The following ST7 variants were observed in gnomAD, a reference collection of about 807,000 sequenced individuals.
ST7 encodes the protein suppression of tumorigenicity 7, also known as suppressor of tumorigenicity 7 protein.
A neutral mutation model predicts 78.7 loss-of-function variants in ST7; 28 were observed. The observed-to-expected ratio is 0.36, with a 90% CI of 0.26 to 0.49. The LOEUF is 0.49. Among genes scored for constraint, ST7 ranks in the 20% least tolerant of loss-of-function variants. ST7 has a pLI of 0.99. For synonymous variants in ST7, 247 were observed against 249.6 expected, an observed-to-expected ratio of 0.99 and a Z score of 0.10; for missense variants, 418 against 696.0, an observed-to-expected ratio of 0.60 and a Z score of 4.49.
intron 1 of ST7, chr7:117,022,896 C>T (rs933200157): frequency 6.6e-6 from 1 of 152,102 alleles, no homozygotes; most frequent in Non-Finnish European, 1.5e-5. Context: ...CATGTTTATA[C>T]CCATAGAACT....
intron 1 of ST7, among the ~76,000 whole-genome samples, chr7:116,974,949 C>T: frequency 6.6e-6 from 1 of 152,156 alleles, no homozygotes; most frequent in Non-Finnish European, 1.5e-5. Context: ...ACCCTAAGCA[C>T]CTTGCTTGCC....
chr7:117,115,768 CAT>C (rs904157094), intron 2 of ST7, among the ~76,000 whole-genome samples: 92 of 152,298 alleles, frequency 6.0e-4, no homozygotes, highest in African/African-American at 1.9e-3. Flanking sequence ...CTAACACAAA[CAT>C]GTGTGAACCT....
At chr7:117,229,733 A>T (rs750312562) in intron 15 of ST7, 29 bp from the exon 16 acceptor site, 1 of 1,575,718 alleles carries the variant, frequency 6.3e-7, no homozygotes, top group Non-Finnish European at 8.6e-7. Context: ...GTTTCTGCTG[A>T]CTTCTGTGTC....
chr7:116,990,103 A>AT (rs1286741189), intron 1 of ST7, among the ~76,000 whole-genome samples: 1 of 151,810 alleles, frequency 6.6e-6, no homozygotes, highest in Non-Finnish European at 1.5e-5. Flanking sequence ...CACCCGGCTA[A>AT]TTTTTTGTAT....
chr7:117,078,412 G>A (rs111371725), intron 1 of ST7, among the ~76,000 whole-genome samples: 1 of 152,182 alleles, frequency 6.6e-6, no homozygotes, highest in South Asian at 2.1e-4. Flanking sequence ...CATATATCTG[G>A]TGAAACAGAT....
intron 1 of ST7, among the ~76,000 whole-genome samples, chr7:117,045,448 G>A (rs976425693): frequency 1.3e-5 from 2 of 151,866 alleles, no homozygotes; most frequent in African/African-American, 4.8e-5. Flanking sequence ...CCCTCTTTCC[G>A]GAATGTTCTT....
intron 1 of ST7, among the ~76,000 whole-genome samples, chr7:117,086,898 G>C (rs541668445): frequency 6.6e-6 from 1 of 152,168 alleles, no homozygotes; most frequent in Admixed American, 6.5e-5. Flanking sequence ...ATAAAGCCAA[G>C]GGCTTATTTT....
chr7:117,166,992 A>G (rs1420073003), intron 9 of ST7, among the ~76,000 whole-genome samples: 1 of 152,010 alleles, frequency 6.6e-6, no homozygotes, highest in East Asian at 1.9e-4. Context: ...AATTTAGGCA[A>G]CGTATGAGGG....
intron 1 of ST7, among the ~76,000 whole-genome samples, chr7:117,076,307 A>G: frequency 6.6e-6 from 1 of 152,254 alleles, no homozygotes; most frequent in South Asian, 2.1e-4. Context: ...AACTGAAAGT[A>G]GATTTTTCAT....
intron 1 of ST7, chr7:117,014,894 TG>T: frequency 2.1e-6 from 2 of 932,296 alleles, no homozygotes; most frequent in South Asian, 4.5e-5. Context: ...TCATGTCACA[TG>T]GCAGGAGGCT....
At chr7:117,169,801 A>G (rs1318222634) in intron 9 of ST7, among the ~76,000 whole-genome samples, 1 of 142,496 alleles carries the variant, frequency 7.0e-6, no homozygotes, top group Non-Finnish European at 1.5e-5. Context: ...AGCCTTAGCA[A>G]TCCTTTTTTT....
intron 1 of ST7, among the ~76,000 whole-genome samples, chr7:117,091,213 T>C (rs367568965): frequency 7.2e-5 from 11 of 152,262 alleles, no homozygotes; most frequent in Admixed American, 6.5e-4. Flanking sequence ...GGGATTGTGA[T>C]ACATAAAACC....
chr7:116,964,143 TC>T (rs1792981778), intron 1 of ST7, among the ~76,000 whole-genome samples: 1 of 152,244 alleles, frequency 6.6e-6, no homozygotes, highest in Non-Finnish European at 1.5e-5. Flanking sequence ...CATAAGCTGC[TC>T]ATATCTGGAG....
chr7:117,221,981 T>C lies in ST7; in HGVS notation c.1557T>C (p.Thr519=), dbSNP rs775764064. 2 of 1,613,306 alleles carry C rather than the reference T, an allele frequency of 1.2e-6. No individual in the cohort carries two copies. Among genetic ancestry groups the C allele is most frequent in the South Asian group, 1.1e-5 (1 of 90,936 alleles). The change falls in exon 15 of 16, where the codon ACT becomes ACC. Residue 519 remains threonine (T), a synonymous_variant. Coordinates refer to ENST00000323984, the MANE Select transcript of ST7 (RefSeq NM_001369598.1). ...AGCTTCCCTTCTTTATTCTCTTTAC[T>C]GCTGGATTATGTTCCTTCACAGCCA... ...KKELPFFILF[T]AGLCSFTAML... is the part of the protein sequence containing the mutation.
intron 1 of ST7, among the ~76,000 whole-genome samples, chr7:116,999,213 G>A (rs1415558639): frequency 6.6e-6 from 1 of 152,024 alleles, no homozygotes; most frequent in African/African-American, 2.4e-5. Flanking sequence ...AATAAGCTTA[G>A]GTACACGAAA....
chr7:117,190,894 G>C lies in ST7; in HGVS notation c.1212G>C (p.Glu404Asp), dbSNP rs749860285. Reference protein sequence around the residue: ...GLSTAEMNAVEAIHRAVEFNP... With the variant: ...GLSTAEMNAVDAIHRAVEFNP... ...GCACAGCAGAGATGAATGCAGTAGA[G>C]GCCATTCATAGAGCTGTGGAATTCA... The change falls in exon 12 of 16, where the codon GAG becomes GAC. Residue 404 changes from glutamate (E) to aspartate (D), a missense_variant. Coordinates refer to ENST00000323984, the MANE Select transcript of ST7 (RefSeq NM_001369598.1). This position sits in a 1 kb window ranked among gnomAD's most constrained non-coding sequence, Gnocchi z 5.2. The C allele has an allele frequency of 1.9e-6, 3 of 1,613,960 alleles. No individual in the cohort carries two copies. The African/African-American group carries it at 4.0e-5, about 22-fold the overall frequency.
intron 1 of ST7, among the ~76,000 whole-genome samples, chr7:117,004,297 C>T (rs1267179776): frequency 1.3e-5 from 2 of 152,184 alleles, no homozygotes; most frequent in African/African-American, 4.8e-5. Context: ...TTGACCTTGC[C>T]TTCGTGTTAT....
chr7:117,195,996 C>G (rs1348996618), intron 12 of ST7, among the ~76,000 whole-genome samples: 1 of 152,156 alleles, frequency 6.6e-6, no homozygotes, highest in African/African-American at 2.4e-5. Flanking sequence ...TACCTCATAT[C>G]AGTGGAATCA....
intron 1 of ST7, among the ~76,000 whole-genome samples, chr7:116,971,693 C>T (rs930877896): frequency 6.6e-6 from 1 of 152,112 alleles, no homozygotes; most frequent in South Asian, 2.1e-4. Flanking sequence ...GGAGTCTTTC[C>T]CTGGGCTCTG....
Sources: gnomAD v4.1 joint callset for allele counts (sites outside exome capture counted in the v4.1 genomes callset) on GRCh38, gnomAD v4.1.1 for gene constraint, Gnocchi (gnomAD v3.1) non-coding constraint, MANE v1.5 for transcripts, NCBI Gene and HGNC (gene_info 2026-07-23, HGNC 2026-07-21) for gene names.